The following MIS18BP1 variants were observed in gnomAD, a reference collection of about 807,000 sequenced individuals.
The protein encoded by MIS18BP1 is MIS18 binding protein 1, also known as mis18-binding protein 1.
MIS18BP1 carries 72 observed loss-of-function variants against 116.1 expected under a neutral mutation model. The ratio of observed to expected loss-of-function variants is 0.62; its 90% CI spans 0.51 to 0.75. MIS18BP1 has a LOEUF of 0.75. Among genes scored for constraint, MIS18BP1 ranks in the 30% least tolerant of loss-of-function variants. The pLI is 0.00. For synonymous variants in MIS18BP1, 386 were observed against 427.0 expected (o/e 0.90, Z 1.18); for missense variants, 1,363 against 1,303.2 (o/e 1.05, Z -0.71).
Position 45,224,594 on chromosome 14 carries a change from A to T in MIS18BP1, c.1993T>A (p.Cys665Ser). ...CCAGCGGACAGATTATACCTCATGC[A>T]TCTTTGCTCTATCACTTTTCTAGAT... is the stretch of plus-strand genomic sequence containing the variant. ...LKSRKVIEQRCMRYNLSAGTI... is the reference protein window; with the variant it reads ...LKSRKVIEQRSMRYNLSAGTI... Residue 665 changes from cysteine to serine, a missense_variant, in exon 11 of 17, where the codon TGC becomes AGC. Cys to Ser is a moderately radical substitution (Grantham distance 112, BLOSUM62 -1). Transcript: ENST00000310806. The T allele has an allele frequency of 6.2e-7, 1 of 1,613,748 alleles. No individual in the cohort carries two copies. The highest frequency in any genetic ancestry group is 8.5e-7 in the Non-Finnish European group (1 of 1,179,892).
intron 11 of MIS18BP1, among the ~76,000 whole-genome samples, 186 bp downstream of exon 11, chr14:45,223,732 A>G (rs1891039145): frequency 6.6e-6 from 1 of 152,220 alleles, no homozygotes; most frequent in Non-Finnish European, 1.5e-5. Flanking sequence ...CTTTCCTCGT[A>G]TTAGAGATGA....
At position 45,246,958 on chromosome 14, in the gene MIS18BP1, G is replaced by GATT; in HGVS notation, c.326_328dup (p.Glu109_Ser110insTer). On this transcript the variant is annotated stop_gained, in exon 2 of 17. Transcript: ENST00000310806. LOFTEE classifies it high-confidence loss of function. ...CATTCTTAGAAATATTTTTCCTGGT[G>GATT]ATTCATAGTTTGCTTTATTTTTTAA... The GATT allele has an allele frequency of 6.2e-7, 1 of 1,606,170 alleles. No individual in the cohort carries two copies. Among genetic ancestry groups the GATT allele is most frequent in the Non-Finnish European group, 8.5e-7 (1 of 1,178,172 alleles).
rs1170202428 is a variant in MIS18BP1, at chr14:45,203,454, A to AAATT, written c.*651_*654dup. 1.3e-5 allele frequency: 2 copies of AAATT among 152,154 alleles called. No individual in the cohort carries two copies. Among genetic ancestry groups the AAATT allele is most frequent in the African/African-American group, 4.8e-5 (2 of 41,434 alleles). The allele number at this position is 152,154 out of a possible 1,614,324, so 9.4% of individuals were successfully genotyped here. Reference sequence around the variant, plus strand: ...TTCTGCATATGTAAATAAGGCTTAAAAATTAGAGAACAAAATCTGTTCTCT... The same window carrying AAATT: ...TTCTGCATATGTAAATAAGGCTTAAAAATTAATTAGAGAACAAAATCTGTTCTCT... On this transcript the variant is annotated 3_prime_UTR_variant, in exon 17 of 17. Coordinates refer to ENST00000310806, the MANE Select transcript of MIS18BP1 (RefSeq NM_018353.5).
intron 8 of MIS18BP1, among the ~76,000 whole-genome samples, chr14:45,230,101 A>G (rs1011343248): frequency 6.6e-6 from 1 of 152,246 alleles, no homozygotes; most frequent in Admixed American, 6.5e-5. Flanking sequence ...TGTTTTTGGC[A>G]GAAGGATTCC....
In MIS18BP1 at chr14:45,242,413, T is replaced by C; in HGVS notation, c.764A>G (p.Glu255Gly). Residue 255 changes from glutamate (E) to glycine (G), a missense_variant, in exon 4 of 17, where the codon GAG (glutamate) becomes GGG (glycine). Transcript: ENST00000310806. ...GGATTTAGTGGTTGCAACTATACTC[T>C]CCTTTGAGTGAAAAATTTGTTTAGC... ...QLAKQIFHSK[E>G]SIVATTKSKK... 1 of 1,613,960 alleles carries C rather than the reference T, an allele frequency of 6.2e-7. No homozygotes were observed. The highest frequency in any genetic ancestry group is 8.5e-7 in the Non-Finnish European group (1 of 1,179,968).
chr14:45,232,457 C>A, intron 7 of MIS18BP1: 1 of 245,762 alleles, frequency 4.1e-6, no homozygotes, highest in Non-Finnish European at 7.8e-6. Flanking sequence ...AAAAAACTGG[C>A]ATTTCAAACA....
intron 13 of MIS18BP1, among the ~76,000 whole-genome samples, chr14:45,216,412 T>G (rs1200004192): frequency 3.9e-5 from 6 of 152,204 alleles, no homozygotes; most frequent in African/African-American, 1.2e-4. Flanking sequence ...TTACTTTACT[T>G]TCTTGGATTA....
chr14:45,237,993 A>G (rs145374947), intron 4 of MIS18BP1, among the ~76,000 whole-genome samples: 106 of 152,252 alleles, frequency 7.0e-4, no homozygotes, highest in African/African-American at 2.4e-3. Flanking sequence ...CCAAATCTCA[A>G]CTGGTGGGGA....
At chr14:45,233,984 A>C (rs961094405) in intron 6 of MIS18BP1, among the ~76,000 whole-genome samples, 6 of 152,170 alleles carry the variant, frequency 3.9e-5, no homozygotes, top group Non-Finnish European at 7.3e-5. Flanking sequence ...TAAAAGAAAG[A>C]GCCCCAAGCT....
intron 13 of MIS18BP1, among the ~76,000 whole-genome samples, chr14:45,213,595 A>G (rs1290317153): frequency 6.6e-6 from 1 of 152,218 alleles, no homozygotes; most frequent in East Asian, 1.9e-4. Context: ...TCTGCACCGT[A>G]GCATGAAAGT....
rs1172312160 is a variant in MIS18BP1, at chr14:45,246,944, A to G, written c.343T>C (p.Phe115Leu). ...AGTACTTTTTCTTTCATTCTTAGAA[A>G]TATTTTTCCTGGTGATTCATAGTTT... ...KANYESPGKI[F>L]LRMKEKVLRD... The change falls in exon 2 of 17, where the codon TTT becomes CTT. Residue 115 changes from phenylalanine (F) to leucine (L), a missense_variant. Transcript: ENST00000310806. 1 of 1,604,426 alleles carries G rather than the reference A, an allele frequency of 6.2e-7. No homozygotes were observed. Among genetic ancestry groups the G allele is most frequent in the South Asian group, 1.1e-5 (1 of 88,002 alleles).
chr14:45,236,077 A>G, intron 5 of MIS18BP1, 133 bp from the exon 6 acceptor site: 3 of 812,964 alleles, frequency 3.7e-6, no homozygotes, highest in Non-Finnish European at 5.7e-6. Context: ...TGAAGGCCAA[A>G]CATTACAGCA....
rs1404012284 is a variant in MIS18BP1 at position 45,214,512 on chromosome 14, A to T, written c.3003+2507T>A. Among the ~76,000 whole-genome samples the T allele has an allele frequency of 2.2e-4, 33 of 152,120 alleles. 1 individual carries two copies. The highest frequency in any genetic ancestry group is 2.2e-3 in the Admixed American group (33 of 15,278). ...ATAATGATCAATAAATACTGAGGGA[A>T]CTCAGAGACCAGGGGCGCCGCCCGG... On this transcript the variant is annotated intron_variant, in intron 13 of 16. Coordinates refer to ENST00000310806, the MANE Select transcript of MIS18BP1 (RefSeq NM_018353.5).
chr14:45,233,992 G>A (rs757382773), intron 6 of MIS18BP1, among the ~76,000 whole-genome samples: 3 of 152,080 alleles, frequency 2.0e-5, no homozygotes, highest in Admixed American at 6.6e-5. Context: ...AGAGCCCCAA[G>A]CTACCCCATT....
intron 1 of MIS18BP1, among the ~76,000 whole-genome samples, chr14:45,251,885 C>T (rs1344557452): frequency 3.9e-5 from 6 of 152,156 alleles, no homozygotes; most frequent in Non-Finnish European, 2.9e-5. Flanking sequence ...AGTATGCATA[C>T]TATTGACACG....
At chr14:45,219,401 A>G (rs537611659) in intron 11 of MIS18BP1, among the ~76,000 whole-genome samples, 1 of 152,332 alleles carries the variant, frequency 6.6e-6, no homozygotes, top group South Asian at 2.1e-4. Context: ...AGCTACCAAC[A>G]TGTCACTGAC....
chr14:45,203,562 A>G lies in MIS18BP1; in HGVS notation c.*547T>C, dbSNP rs1020511926. On this transcript the variant is annotated 3_prime_UTR_variant, in exon 17 of 17. Transcript: ENST00000310806. Reference sequence around the variant, plus strand: ...GATATGCCTATCACAAGTTTAAAATAAAAACAATCAGGAGAGAAGCATGTC... The same window carrying G: ...GATATGCCTATCACAAGTTTAAAATGAAAACAATCAGGAGAGAAGCATGTC... The G allele has an allele frequency of 6.6e-6, 1 of 152,180 alleles. No individual in the cohort carries two copies. The highest frequency in any genetic ancestry group is 2.4e-5 in the African/African-American group (1 of 41,446). 9.4% of individuals were successfully genotyped at this position (152,180 alleles called of 1,614,324 possible).
chr14:45,225,780 T>C (rs1594512445), intron 10 of MIS18BP1, among the ~76,000 whole-genome samples: 1 of 152,130 alleles, frequency 6.6e-6, no homozygotes, highest in South Asian at 2.1e-4. Context: ...CAACTGTAAT[T>C]AGAAATACAT....
At chr14:45,234,727 C>T (rs1891376778) in intron 6 of MIS18BP1, among the ~76,000 whole-genome samples, 1 of 152,226 alleles carries the variant, frequency 6.6e-6, no homozygotes. Context: ...TGCTAGTAAA[C>T]ATAAATTTAG....
Sources: gnomAD v4.1 joint callset for allele counts (sites outside exome capture counted in the v4.1 genomes callset) on GRCh38, gnomAD v4.1.1 for gene constraint, MANE v1.5 for transcripts, NCBI Gene and HGNC (gene_info 2026-07-23, HGNC 2026-07-21) for gene names.